Variants in SORCS1 observed in about 807,000 individuals in gnomAD.
The protein encoded by SORCS1 is sortilin related VPS10 domain containing receptor 1.
In SORCS1, 60 loss-of-function variants were observed where a neutral mutation model predicts 146.1. The observed-to-expected ratio is 0.41, with a 90% CI of 0.33 to 0.51. The LOEUF is 0.51. SORCS1 is among the 20% of genes least tolerant of loss of function. SORCS1 has a pLI of 0.21. For synonymous variants in SORCS1, 637 were observed against 584.0 expected (o/e 1.09, Z -1.31); for missense variants, 1,352 against 1,487.6 (o/e 0.91, Z 1.50).
chr10:106,729,984 T>A, intron 6 of SORCS1, 66 bp downstream of exon 6: 1 of 1,543,694 alleles, frequency 6.5e-7, no homozygotes, highest in Non-Finnish European at 9.0e-7. Context: ...TTACACAGAC[T>A]CAGTTCATGA....
At chr10:106,766,337 A>G (rs1345878659) in intron 4 of SORCS1, among the ~76,000 whole-genome samples, 1 of 151,990 alleles carries the variant, frequency 6.6e-6, no homozygotes, top group African/African-American at 2.4e-5. Context: ...CCACCTTATG[A>G]CTCTCTGCTT....
At chr10:106,949,241 A>AT (rs1954542154) in intron 2 of SORCS1, among the ~76,000 whole-genome samples, 1 of 151,750 alleles carries the variant, frequency 6.6e-6, no homozygotes, top group African/African-American at 2.4e-5. Flanking sequence ...TATTATTATT[A>AT]TTTTTTCTTT....
At chr10:106,600,897 T>C (rs1846198294) in intron 23 of SORCS1, among the ~76,000 whole-genome samples, 2 of 152,332 alleles carry the variant, frequency 1.3e-5, no homozygotes, top group South Asian at 2.1e-4. Flanking sequence ...GATAGGTTTA[T>C]AAGATGAGAA....
intron 1 of SORCS1, among the ~76,000 whole-genome samples, chr10:107,043,932 T>G (rs1959195289): frequency 6.6e-6 from 1 of 152,222 alleles, no homozygotes; most frequent in African/African-American, 2.4e-5. Flanking sequence ...TTTGGTAATG[T>G]TCCATAAAAG....
rs143762510 is a variant in SORCS1, at chr10:107,088,650, T to C, written c.558+75319A>G. ...TGGATGATCAGTGGCTTTTTGTCTT[T>C]AATCTCTGGGCACAGATCACTGGAA... On this transcript the variant is annotated intron_variant, in intron 1 of 25. Coordinates refer to ENST00000263054, the MANE Select transcript of SORCS1 (RefSeq NM_052918.5). Among the ~76,000 whole-genome samples, 899 of 152,350 alleles carry C rather than the reference T, an allele frequency of 5.9e-3. 6 individuals are homozygous for C. Among genetic ancestry groups the C allele is most frequent in the Non-Finnish European group, 7.7e-3 (521 of 68,032 alleles).
rs577315002 is a variant in SORCS1, at chr10:106,933,257, C to T, written c.626+23256G>A. Among the ~76,000 whole-genome samples the T allele has an allele frequency of 6.6e-5, 10 of 152,254 alleles. No homozygotes were observed. The South Asian group carries it at 1.0e-3, about 16-fold the overall frequency. ...AAGTTCATCGATTCTCTGTATTTTC[C>T]AGATTAAAATCACCTGGGTAGCTTT... is the stretch of plus-strand genomic sequence containing the variant. On this transcript the variant is annotated intron_variant, in intron 2 of 25. Coordinates refer to ENST00000263054, the MANE Select transcript of SORCS1 (RefSeq NM_052918.5).
At chr10:106,834,346 T>C (rs1323292940) in intron 2 of SORCS1, among the ~76,000 whole-genome samples, 3 of 152,204 alleles carry the variant, frequency 2.0e-5, no homozygotes, top group Non-Finnish European at 4.4e-5. Context: ...TATTGAGAAA[T>C]ATGTGATTAG....
chr10:106,647,247 A>T (rs1849518039), intron 18 of SORCS1, among the ~76,000 whole-genome samples: 1 of 151,894 alleles, frequency 6.6e-6, no homozygotes, highest in Admixed American at 6.6e-5. Context: ...CCAATCCATG[A>T]TCAGGATGCA....
At chr10:106,697,037 T>C (rs1320954871) in intron 9 of SORCS1, among the ~76,000 whole-genome samples, 2 of 152,210 alleles carry the variant, frequency 1.3e-5, no homozygotes, top group Non-Finnish European at 2.9e-5. Flanking sequence ...TGCCAGTGGA[T>C]GCTCAGAGCA....
chr10:106,715,642 A>G (rs936192884), intron 6 of SORCS1, among the ~76,000 whole-genome samples: 2 of 152,232 alleles, frequency 1.3e-5, no homozygotes, highest in Admixed American at 6.5e-5. Flanking sequence ...GTACTCACAT[A>G]ATGATAGCTG....
At chr10:106,674,595 A>T (rs548170531) in intron 14 of SORCS1, among the ~76,000 whole-genome samples, 1 of 152,268 alleles carries the variant, frequency 6.6e-6, no homozygotes, top group Non-Finnish European at 1.5e-5. Flanking sequence ...GACAAAAATG[A>T]GTGTAAATGC....
At chr10:106,685,971 G>T (rs1314622401) in intron 10 of SORCS1, among the ~76,000 whole-genome samples, 1 of 152,130 alleles carries the variant, frequency 6.6e-6, no homozygotes, top group Admixed American at 6.5e-5. Flanking sequence ...GAGGCACAAA[G>T]GTATTTTTCA....
chr10:107,085,221 C>G (rs1171651742), intron 1 of SORCS1, among the ~76,000 whole-genome samples: 1 of 152,204 alleles, frequency 6.6e-6, no homozygotes, highest in Non-Finnish European at 1.5e-5. Flanking sequence ...CTAAATCACT[C>G]TATCTCGAGG....
At position 106,726,359 on chromosome 10, in the gene SORCS1, C is replaced by CAAAA. The variant is rs60801871; in HGVS notation, c.1024+3687_1024+3690dup. Among the ~76,000 whole-genome samples the CAAAA allele has an allele frequency of 1.4e-4, 6 of 43,580 alleles. 1 individual carries two copies. Among genetic ancestry groups the CAAAA allele is most frequent in the African/African-American group, 4.8e-4 (5 of 10,456 alleles). 28.6% of individuals were successfully genotyped at this position (43,580 alleles called of 152,430 possible). ...ATAGTTTCTGAAGATGCTGCCTTCG[C>CAAAA]AAAAAAAAAAAAAAAAAAAAAAAAA... On this transcript the variant is annotated intron_variant, in intron 6 of 25. Transcript: ENST00000263054.
At chr10:106,709,730 G>A (rs2135840407) in intron 6 of SORCS1, among the ~76,000 whole-genome samples, 1 of 152,262 alleles carries the variant, frequency 6.6e-6, no homozygotes, top group East Asian at 1.9e-4. Context: ...TTACAGGCGT[G>A]AGCCACCGCG....
chr10:106,683,087 C>G (rs821942), intron 10 of SORCS1, among the ~76,000 whole-genome samples: 126,923 of 152,142 alleles, frequency 0.83, 54,172 homozygotes, highest in Non-Finnish European at 0.94. Context: ...AGTGCACAGA[C>G]ACAACCATAC....
intron 17 of SORCS1, among the ~76,000 whole-genome samples, chr10:106,666,592 G>A (rs1036811415): frequency 1.4e-5 from 2 of 146,424 alleles, no homozygotes; most frequent in African/African-American, 2.6e-5. Context: ...AGTCTTACTC[G>A]GTCACCCAGG....
At chr10:106,699,427 A>C (rs1046485932) in intron 8 of SORCS1, 34 bp from the exon 9 acceptor site, 1 of 1,571,404 alleles carries the variant, frequency 6.4e-7, no homozygotes, top group African/African-American at 1.4e-5. Flanking sequence ...AAGAGGGAAA[A>C]AGAGTTTTAT....
intron 2 of SORCS1, among the ~76,000 whole-genome samples, chr10:106,933,830 A>G (rs1172401646): frequency 6.6e-6 from 1 of 152,198 alleles, no homozygotes; most frequent in Non-Finnish European, 1.5e-5. Flanking sequence ...GCAGTGGCTC[A>G]TACTTGTAAT....
Sources: allele counts gnomAD v4.1 joint callset (sites outside exome capture counted in the v4.1 genomes callset), GRCh38; gene constraint gnomAD v4.1.1; transcripts MANE v1.5; gene names NCBI Gene and HGNC (gene_info 2026-07-23, HGNC 2026-07-21).